ILRUN: variants seen among roughly 807,000 people sequenced by gnomAD.
ILRUN encodes the protein inflammation and lipid regulator with UBA-like and NBR1-like domains, also known as protein ILRUN.
ILRUN carries 3 observed loss-of-function variants against 33.8 expected under a neutral mutation model. The ratio of observed to expected loss-of-function variants is 0.09; its 90% CI spans 0.04 to 0.23. The LOEUF is 0.23. ILRUN is among the 10% of genes least tolerant of loss of function. ILRUN has a pLI of 1.00. For synonymous variants in ILRUN, 124 were observed against 138.9 expected, an observed-to-expected ratio of 0.89 and a Z score of 0.75; for missense variants, 210 against 375.1, an observed-to-expected ratio of 0.56 and a Z score of 3.64.
chr6:34,688,997 C>T (rs932856514), intron 1 of ILRUN, among the ~76,000 whole-genome samples: 1 of 150,938 alleles, frequency 6.6e-6, no homozygotes, highest in Admixed American at 6.6e-5. Flanking sequence ...TAGGTACATA[C>T]ATAGAGACAG....
At chr6:34,614,439 A>AT (rs1478401653) in intron 3 of ILRUN, among the ~76,000 whole-genome samples, 14 of 122,498 alleles carry the variant, frequency 1.1e-4, no homozygotes, top group East Asian at 2.2e-4. Flanking sequence ...AATAAAAAAA[A>AT]AAAAATATAT....
chr6:34,681,121 C>T (rs935317300), intron 1 of ILRUN, among the ~76,000 whole-genome samples: 1 of 151,894 alleles, frequency 6.6e-6, no homozygotes, highest in Admixed American at 6.6e-5. Context: ...TTTAGAAGCA[C>T]ATCATGTATC....
chr6:34,651,856 G>C (rs914663843), intron 2 of ILRUN, among the ~76,000 whole-genome samples: 2 of 145,530 alleles, frequency 1.4e-5, no homozygotes, highest in Admixed American at 1.4e-4. Flanking sequence ...GCAGCGGCGC[G>C]ATCTTGGCTC....
intron 1 of ILRUN, among the ~76,000 whole-genome samples, chr6:34,682,268 T>TTGTTTTGTTTTG (rs1763382176): frequency 2.1e-5 from 3 of 140,246 alleles, no homozygotes; most frequent in East Asian, 2.0e-4. Flanking sequence ...TTTTTTTTTT[T>TTGTTTTGTTTTG]TTTTTTTTTG....
chr6:34,638,064 T>A (rs1180790486), intron 3 of ILRUN, among the ~76,000 whole-genome samples: 18 of 152,022 alleles, frequency 1.2e-4, no homozygotes, highest in Non-Finnish European at 5.9e-5. Flanking sequence ...TTTTTTGTAT[T>A]TTTGGTAGAG....
At chr6:34,632,553 ATTTTT>A (rs1219435236) in intron 3 of ILRUN, among the ~76,000 whole-genome samples, 1 of 136,714 alleles carries the variant, frequency 7.3e-6, no homozygotes, top group African/African-American at 2.8e-5. Context: ...AGAGCAAATA[ATTTTT>A]TTTTTTTTTT....
intron 3 of ILRUN, among the ~76,000 whole-genome samples, chr6:34,629,184 T>C (rs748192060): frequency 3.9e-5 from 6 of 152,240 alleles, no homozygotes; most frequent in Admixed American, 6.5e-5. Context: ...TTGGACCTGG[T>C]GCTTTCTGTT....
chr6:34,597,408 GACA>G (rs1761423678), intron 4 of ILRUN, among the ~76,000 whole-genome samples: 2 of 152,166 alleles, frequency 1.3e-5, no homozygotes, highest in South Asian at 2.1e-4. Flanking sequence ...CACTGGGGAG[GACA>G]ACAACATGAG....
intron 3 of ILRUN, among the ~76,000 whole-genome samples, chr6:34,638,164 A>G (rs1458809065): frequency 6.6e-6 from 1 of 152,040 alleles, no homozygotes; most frequent in Non-Finnish European, 1.5e-5. Context: ...CTGGGACTAC[A>G]GGCATGAGCC....
At chr6:34,666,485 C>T (rs1763008236) in intron 1 of ILRUN, among the ~76,000 whole-genome samples, 1 of 151,996 alleles carries the variant, frequency 6.6e-6, no homozygotes. Flanking sequence ...CGCTTGAACC[C>T]GGGAGGCAGA....
At chr6:34,590,857 C>T (rs540487709) in intron 4 of ILRUN, among the ~76,000 whole-genome samples, 1 of 152,336 alleles carries the variant, frequency 6.6e-6, no homozygotes, top group South Asian at 2.1e-4. Flanking sequence ...CCCCATCTTT[C>T]AGATGGTAGA....
chr6:34,621,310 C>T (rs1281932838), intron 3 of ILRUN, among the ~76,000 whole-genome samples: 4 of 152,112 alleles, frequency 2.6e-5, no homozygotes, highest in Non-Finnish European at 5.9e-5. Context: ...AAAGGATTCC[C>T]CCACTTCAAA....
intron 1 of ILRUN, among the ~76,000 whole-genome samples, chr6:34,678,829 T>C (rs1581549327): frequency 1.9e-5 from 2 of 103,058 alleles, no homozygotes; most frequent in East Asian, 2.8e-4. Flanking sequence ...TACTCCAGAC[T>C]CCGTCTCAAA....
At chr6:34,651,783 A>G (rs1223166787) in intron 2 of ILRUN, among the ~76,000 whole-genome samples, 30 of 142,706 alleles carry the variant, frequency 2.1e-4, no homozygotes, top group African/African-American at 7.9e-4. Flanking sequence ...GGTAGATTCC[A>G]AAAAACTTTT....
rs796583859 is a variant in ILRUN, at chr6:34,603,184, T to C, written c.861+3371A>G. On this transcript the variant is annotated intron_variant, in intron 4 of 4. Transcript: ENST00000374023. Reference sequence around the variant, plus strand: ...TTGCCAACTCAGTGATCCCTGACACTAGCACCTTAGGCACCCCTCCTCCCT... The same window carrying C: ...TTGCCAACTCAGTGATCCCTGACACCAGCACCTTAGGCACCCCTCCTCCCT... 7.9e-5 allele frequency among the ~76,000 whole-genome samples: 12 copies of C among 152,278 alleles called. 1 individual carries two copies. Among genetic ancestry groups the C allele is most frequent in the African/African-American group, 2.9e-4 (12 of 41,560 alleles).
chr6:34,610,719 T>C (rs1245084618), intron 3 of ILRUN, among the ~76,000 whole-genome samples: 1 of 152,246 alleles, frequency 6.6e-6, no homozygotes, highest in Non-Finnish European at 1.5e-5. Context: ...TTACTCCTCC[T>C]TGTCTACCAC....
In ILRUN at chr6:34,646,918, C is replaced by G; in HGVS notation, c.314-120G>C. On this transcript the variant is annotated intron_variant, in intron 2 of 4. Coordinates refer to ENST00000374023, the MANE Select transcript of ILRUN (RefSeq NM_024294.4). This position sits in a 1 kb window ranked among gnomAD's most constrained non-coding sequence, Gnocchi z 4.9. ...TCTCACATACATACATAAACCTAAC[C>G]ACATATACCTAAGCCATATATTGTC... 1 of 811,338 alleles carries G rather than the reference C, an allele frequency of 1.2e-6. No individual in the cohort carries two copies. The highest frequency in any genetic ancestry group is 2.0e-6 in the Non-Finnish European group (1 of 500,278). The allele number at this position is 811,338 out of a possible 1,614,324, so 50.3% of individuals were successfully genotyped here. A position where few individuals can be genotyped will look rare whatever the true frequency, so the allele number is the denominator to read the frequency against.
chr6:34,678,836 C>CAAAAA lies in ILRUN; in HGVS notation c.158+17605_158+17609dup, dbSNP rs767799882. ...CGCCACTGTACTCCAGACTCCGTCT[C>CAAAAA]AAAAAAAAAAAAAAAAAAAAAAAGA... On this transcript the variant is annotated intron_variant, in intron 1 of 4. Transcript: ENST00000374023. Among the ~76,000 whole-genome samples, 68 of 47,674 alleles carry CAAAAA rather than the reference C, an allele frequency of 1.4e-3. 1 individual carries two copies. Among genetic ancestry groups the CAAAAA allele is most frequent in the African/African-American group, 2.8e-3 (33 of 11,790 alleles). The allele number at this position is 47,674 out of a possible 152,430, so 31.3% of individuals were successfully genotyped here. A position where few individuals can be genotyped will look rare whatever the true frequency, so the allele number is the denominator to read the frequency against.
At chr6:34,598,831 C>T (rs1307121101) in intron 4 of ILRUN, among the ~76,000 whole-genome samples, 1 of 152,218 alleles carries the variant, frequency 6.6e-6, no homozygotes, top group Non-Finnish European at 1.5e-5. Flanking sequence ...AATGTAAACA[C>T]CAGCAAGGCT....
Sources: gnomAD v4.1 joint callset for allele counts (sites outside exome capture counted in the v4.1 genomes callset) on GRCh38, gnomAD v4.1.1 for gene constraint, Gnocchi (gnomAD v3.1) non-coding constraint, MANE v1.5 for transcripts, NCBI Gene and HGNC (gene_info 2026-07-23, HGNC 2026-07-21) for gene names.